PPA2: variants seen among roughly 807,000 people sequenced by gnomAD.
PPA2 encodes the protein inorganic pyrophosphatase 2, also known as inorganic pyrophosphatase 2, mitochondrial.
A neutral mutation model predicts 49.5 loss-of-function variants in PPA2; 48 were observed. The observed-to-expected ratio is 0.97, with a 90% CI of 0.77 to 1.23. The LOEUF (loss-of-function observed/expected upper bound fraction) is 1.23, where lower values mean the gene tolerates loss of function less well. Among genes scored for constraint, PPA2 ranks in the 50% most tolerant of loss-of-function variants. PPA2 has a pLI of 0.00. For synonymous variants in PPA2, 131 were observed against 139.9 expected (o/e 0.94, Z 0.45); for missense variants, 429 against 410.1 (o/e 1.05, Z -0.40).
intron 5 of PPA2, among the ~76,000 whole-genome samples, chr4:105,438,411 G>C (rs1345828962): frequency 6.6e-6 from 1 of 152,142 alleles, no homozygotes; most frequent in African/African-American, 2.4e-5. Context: ...TGTGGCTTCC[G>C]TCATTCACCG....
intron 9 of PPA2, among the ~76,000 whole-genome samples, chr4:105,390,563 A>G (rs1166196557): frequency 2.0e-5 from 3 of 152,274 alleles, no homozygotes; most frequent in Non-Finnish European, 4.4e-5. Context: ...AAAGCTCATC[A>G]TCACTGATCA....
intron 10 of PPA2, among the ~76,000 whole-genome samples, chr4:105,376,477 C>T (rs1411709169): frequency 6.6e-6 from 1 of 152,168 alleles, no homozygotes; most frequent in Non-Finnish European, 1.5e-5. Context: ...TCACTATCAT[C>T]TCTGAGTCTT....
chr4:105,418,393 A>T (rs1723105676), intron 7 of PPA2, among the ~76,000 whole-genome samples: 1 of 152,236 alleles, frequency 6.6e-6, no homozygotes, highest in South Asian at 2.1e-4. Flanking sequence ...GCAAATGAAC[A>T]TTTAAGCCAA....
chr4:105,442,337 T>C (rs1724409704), intron 5 of PPA2, among the ~76,000 whole-genome samples: 1 of 152,220 alleles, frequency 6.6e-6, no homozygotes, highest in South Asian at 2.1e-4. Context: ...GGGTAGGTAG[T>C]ATGATCATAC....
chr4:105,407,133 C>T (rs986274601), intron 7 of PPA2: 2 of 86,534 alleles, frequency 2.3e-5, no homozygotes, highest in Admixed American at 1.2e-4. Context: ...AGCAGGAGTG[C>T]ACTACAAGCA....
chr4:105,370,522 T>G (rs1274443154), intron 11 of PPA2: 68 of 792,376 alleles, frequency 8.6e-5, no homozygotes, highest in Non-Finnish European at 9.7e-5. Flanking sequence ...AATGTAAGAG[T>G]TTTTTTTTAA....
intron 1 of PPA2, among the ~76,000 whole-genome samples, chr4:105,462,756 GGTAA>G (rs1183254970): frequency 7.2e-5 from 11 of 152,122 alleles, no homozygotes; most frequent in African/African-American, 2.4e-4. Flanking sequence ...GAATCATAGG[GGTAA>G]GTCTTTCCTG....
chr4:105,418,618 A>G (rs530275017), intron 7 of PPA2, among the ~76,000 whole-genome samples: 44 of 152,366 alleles, frequency 2.9e-4, no homozygotes, highest in African/African-American at 7.7e-4. Flanking sequence ...CTATATCAAT[A>G]TAACTATTCT....
At chr4:105,414,398 C>T (rs1301435938) in intron 7 of PPA2, among the ~76,000 whole-genome samples, 1 of 152,268 alleles carries the variant, frequency 6.6e-6, no homozygotes, top group African/African-American at 2.4e-5. Flanking sequence ...TCCTTCCACC[C>T]ACTCGGCCTG....
rs928585502 is a variant in PPA2 at position 105,430,879 on chromosome 4, C to T, written c.529-6557G>A. ...TCTATGGGTATCATTTTATTCTTCA[C>T]TTACAAAAACTAGTGTACAGTGTAG... On this transcript the variant is annotated intron_variant, in intron 6 of 11. Transcript: ENST00000341695. Among the ~76,000 whole-genome samples, 14 of 152,290 alleles carry T rather than the reference C, an allele frequency of 9.2e-5. No individual in the cohort carries two copies. The South Asian group carries it at 2.9e-3, about 32-fold the overall frequency.
At chr4:105,392,663 A>ACT (rs1223065637) in intron 9 of PPA2, among the ~76,000 whole-genome samples, 5 of 149,656 alleles carry the variant, frequency 3.3e-5, no homozygotes, top group African/African-American at 1.2e-4. Flanking sequence ...ACAGAGTGAG[A>ACT]CTCTGTTTCA....
At position 105,369,657 on chromosome 4, in the gene PPA2, C is replaced by A; in HGVS notation, c.*68G>T. 1 of 1,460,236 alleles carries A rather than the reference C, an allele frequency of 6.8e-7. No individual in the cohort carries two copies. The highest frequency in any genetic ancestry group is 9.6e-7 in the Non-Finnish European group (1 of 1,041,502). 90.5% of individuals were successfully genotyped at this position (1,460,236 alleles called of 1,614,324 possible). On this transcript the variant is annotated 3_prime_UTR_variant, in exon 12 of 12. Transcript: ENST00000341695. ...AGGAAGTCAGTAAATGCTCATAGAC[C>A]CCCTTGTCTCTAGCACTTGGAGTCC...
chr4:105,422,070 A>T (rs1026852470), intron 7 of PPA2, among the ~76,000 whole-genome samples: 1 of 152,166 alleles, frequency 6.6e-6, no homozygotes, highest in Non-Finnish European at 1.5e-5. Flanking sequence ...TATTTTATAA[A>T]ATCTAGATAT....
intron 5 of PPA2, among the ~76,000 whole-genome samples, chr4:105,443,311 C>G (rs1005783566): frequency 6.6e-6 from 1 of 151,806 alleles, no homozygotes; most frequent in Non-Finnish European, 1.5e-5. Flanking sequence ...GTGCTTTGAG[C>G]ACCAGAGTGC....
intron 10 of PPA2, among the ~76,000 whole-genome samples, chr4:105,381,256 A>G (rs980200324): frequency 2.6e-5 from 4 of 152,034 alleles, no homozygotes; most frequent in African/African-American, 4.8e-5. Flanking sequence ...GTGAGTTTGA[A>G]TAAGTTATTA....
intron 1 of PPA2, among the ~76,000 whole-genome samples, chr4:105,472,657 T>C (rs1441540410): frequency 1.3e-5 from 2 of 152,182 alleles, no homozygotes; most frequent in African/African-American, 2.4e-5. Flanking sequence ...ATATGTGGCA[T>C]AGGGTGAAAA....
chr4:105,465,363 T>C (rs1408713102), intron 1 of PPA2, among the ~76,000 whole-genome samples: 1 of 152,208 alleles, frequency 6.6e-6, no homozygotes, highest in Non-Finnish European at 1.5e-5. Flanking sequence ...ATCAAAATTA[T>C]GGAATCCTCT....
At chr4:105,394,373 CAAA>C (rs34736301) in intron 9 of PPA2, among the ~76,000 whole-genome samples, 44 of 96,900 alleles carry the variant, frequency 4.5e-4, no homozygotes, top group South Asian at 2.7e-3. Flanking sequence ...GATTCCATTT[CAAA>C]AAAAAAAAAA....
At position 105,440,364 on chromosome 4, in the gene PPA2, C is replaced by T. The variant is rs1314036817; in HGVS notation, c.442-2328G>A. ...GCAAGCTCCGCCTCCTGGGTTCAAG[C>T]GATTCTCCCGCCTCAGCCTCCCAAG... On this transcript the variant is annotated intron_variant, in intron 5 of 11. Coordinates refer to ENST00000341695, the MANE Select transcript of PPA2 (RefSeq NM_176869.3). Among the ~76,000 whole-genome samples, 5 of 151,860 alleles carry T rather than the reference C, an allele frequency of 3.3e-5. No homozygotes were observed. In the East Asian group the frequency reaches 5.8e-4, roughly 18 times the overall value.
Sources: gnomAD v4.1 joint callset for allele counts (sites outside exome capture counted in the v4.1 genomes callset) on GRCh38, gnomAD v4.1.1 for gene constraint, MANE v1.5 for transcripts, NCBI Gene and HGNC (gene_info 2026-07-23, HGNC 2026-07-21) for gene names.